UNC13A: variants seen among roughly 807,000 people sequenced by gnomAD.
UNC13A encodes protein unc-13 homolog A.
A neutral mutation model predicts 219.7 loss-of-function variants in UNC13A; 61 were observed. The ratio of observed to expected loss-of-function variants is 0.28; its 90% CI spans 0.23 to 0.34. The LOEUF is 0.34. Among genes scored for constraint, UNC13A ranks in the 10% least tolerant of loss-of-function variants. UNC13A has a pLI of 1.00. For missense variants in UNC13A, 1,476 were observed against 2,270.3 expected, an observed-to-expected ratio of 0.65 and a Z score of 7.11; for synonymous variants, 920 against 884.6, an observed-to-expected ratio of 1.04 and a Z score of -0.71.
intron 5 of UNC13A, among the ~76,000 whole-genome samples, chr19:17,669,030 A>G (rs2079723203): frequency 2.0e-5 from 3 of 152,238 alleles, no homozygotes; most frequent in South Asian, 4.1e-4. Flanking sequence ...TCCTGGCCTC[A>G]AATGATCCTC....
chr19:17,680,859 T>A (rs1314030374), intron 1 of UNC13A, among the ~76,000 whole-genome samples: 2 of 128,692 alleles, frequency 1.6e-5, no homozygotes, highest in African/African-American at 5.2e-5. Context: ...TCTTTTCTCT[T>A]CTTCTTCTTC....
chr19:17,605,422 C>CG lies in UNC13A; in HGVS notation c.*631_*632insC, dbSNP rs1242811878. On this transcript the variant is annotated 3_prime_UTR_variant, in exon 44 of 44. Transcript: ENST00000519716. The stretch of plus-strand genomic sequence containing the variant: ...GAACCAGAGCCGTCCCCTCGGCCCC[C>CG]AGGGTTTGGGCGCCCAAGGGCGCAT... 3.3e-5 allele frequency: 5 copies of CG among 152,706 alleles called. No individual in the cohort carries two copies. The highest frequency in any genetic ancestry group is 7.3e-5 in the Non-Finnish European group (5 of 68,076). 9.5% of individuals were successfully genotyped at this position (152,706 alleles called of 1,614,324 possible).
chr19:17,617,699 T>C lies in UNC13A; in HGVS notation c.4558+3A>G. The stretch of plus-strand genomic sequence containing the variant: ...AAGGGTGATGCGGTCTGGGTACCCT[T>C]ACCCTGGGCCGATTGCGTCTGTACA... On this transcript the variant is annotated splice_donor_region_variant and intron_variant, in intron 41 of 43. Coordinates refer to ENST00000519716, the MANE Select transcript of UNC13A (RefSeq NM_001080421.3). 6.2e-7 allele frequency: 1 copy of C among 1,613,316 alleles called. No homozygotes were observed. Among genetic ancestry groups the C allele is most frequent in the African/African-American group, 1.3e-5 (1 of 75,024 alleles).
Position 17,655,927 on chromosome 19 carries a change from T to G in UNC13A, c.1239A>C (p.Ala413=). 2 of 1,539,232 alleles carry G rather than the reference T, an allele frequency of 1.3e-6. No individual in the cohort carries two copies. The highest frequency in any genetic ancestry group is 2.3e-5 in the East Asian group (1 of 44,348). The change falls in exon 10 of 44, where the codon GCA becomes GCC. Residue 413 remains alanine, a synonymous_variant. Transcript: ENST00000519716. ...PKPATPDKVP[A]AEQIPEAEPP... ...GCTCAGCCTCAGGGATCTGCTCAGC[T>G]GCAGGCACCTTGTCGGGCGTGGCTG...
Position 17,627,673 on chromosome 19 carries a change from G to A in UNC13A, c.3832-76C>T, listed in dbSNP as rs2076797816. On this transcript the variant is annotated intron_variant, in intron 32 of 43. Transcript: ENST00000519716. This position sits in a 1 kb window ranked among gnomAD's most constrained non-coding sequence, Gnocchi z 4.7. ...ACTGGGCATTTTCTCATCTGACCCA[G>A]GGAAAGGGATCCCAAGGGGCTGCAG... 4 of 1,366,632 alleles carry A rather than the reference G, an allele frequency of 2.9e-6. No homozygotes were observed. In the East Asian group the frequency reaches 1.0e-4, roughly 34 times the overall value. 84.7% of individuals were successfully genotyped at this position (1,366,632 alleles called of 1,614,324 possible).
At chr19:17,618,234 T>C (rs1010432581) in intron 40 of UNC13A, among the ~76,000 whole-genome samples, 187 bp downstream of exon 40, 12 of 152,246 alleles carry the variant, frequency 7.9e-5, no homozygotes, top group African/African-American at 2.9e-4. Context: ...TCCAGCAGTC[T>C]TCCCCGACCT....
intron 3 of UNC13A, among the ~76,000 whole-genome samples, chr19:17,673,607 A>C (rs541785483): frequency 6.3e-4 from 89 of 140,670 alleles, no homozygotes; most frequent in Non-Finnish European, 1.2e-3. Context: ...GCAGGAGAAT[A>C]GCTTGAACCC....
intron 12 of UNC13A, among the ~76,000 whole-genome samples, chr19:17,651,721 G>A (rs1473567072): frequency 2.6e-5 from 4 of 152,014 alleles, no homozygotes; most frequent in East Asian, 1.9e-4. Context: ...CATAAATCAC[G>A]TGCACAGGAA....
intron 1 of UNC13A, among the ~76,000 whole-genome samples, chr19:17,680,415 G>C (rs1308949903): frequency 1.3e-5 from 2 of 152,180 alleles, no homozygotes; most frequent in East Asian, 1.9e-4. Flanking sequence ...AGGCGCGCCG[G>C]CGGACAGGGG....
At position 17,674,430 on chromosome 19, in the gene UNC13A, G is replaced by A. The variant is rs2079856833; in HGVS notation, c.152+227C>T. ...GGAGGTGGATGGCACAGGAGGCCAG[G>A]GCGGAGGCTGGCGGGCAGCAGGGAC... On this transcript the variant is annotated intron_variant, in intron 3 of 43. Transcript: ENST00000519716. This position sits in a 1 kb window ranked among gnomAD's most constrained non-coding sequence, Gnocchi z 5.0. Among the ~76,000 whole-genome samples the A allele has an allele frequency of 6.6e-6, 1 of 152,162 alleles. No homozygotes were observed. The highest frequency in any genetic ancestry group is 2.1e-4 in the South Asian group (1 of 4,826).
intron 43 of UNC13A, among the ~76,000 whole-genome samples, chr19:17,609,122 TA>T (rs1405061634): frequency 3.6e-5 from 4 of 111,706 alleles, no homozygotes; most frequent in African/African-American, 1.2e-4. Context: ...CACACCCGGC[TA>T]ATTTTTTTTT....
At chr19:17,630,367 C>G in intron 29 of UNC13A, 79 bp from the exon 30 acceptor site, 1 of 1,522,518 alleles carries the variant, frequency 6.6e-7, no homozygotes, top group Non-Finnish European at 8.8e-7. Flanking sequence ...CCACTCTCCA[C>G]GGGGAGAGCC....
At position 17,641,558 on chromosome 19, in the gene UNC13A, T is replaced by C; in HGVS notation, c.2473-2A>G. ...GTCGGTCACGAAGTGGAACAGGTTCTGCCACCATGGGAGAGAAAGTGTCAT... is the reference window on the plus strand; with the variant it reads ...GTCGGTCACGAAGTGGAACAGGTTCCGCCACCATGGGAGAGAAAGTGTCAT... On this transcript the variant is annotated splice_acceptor_variant, in intron 20 of 43. Coordinates refer to ENST00000519716, the MANE Select transcript of UNC13A (RefSeq NM_001080421.3). LOFTEE classifies it high-confidence loss of function. 1 of 1,613,926 alleles carries C rather than the reference T, an allele frequency of 6.2e-7. No homozygotes were observed. Among genetic ancestry groups the C allele is most frequent in the South Asian group, 1.1e-5 (1 of 91,080 alleles).
chr19:17,665,903 C>A (rs117391185), intron 7 of UNC13A, among the ~76,000 whole-genome samples: 1 of 151,952 alleles, frequency 6.6e-6, no homozygotes, highest in Non-Finnish European at 1.5e-5. Context: ...CTGTCAGATG[C>A]GCTATTTCAA....
chr19:17,624,991 G>GC, intron 34 of UNC13A, 39 bp from the exon 35 acceptor site: 1 of 1,595,888 alleles, frequency 6.3e-7, no homozygotes, highest in Non-Finnish European at 8.6e-7. Flanking sequence ...GGCCCAGCTC[G>GC]CCCCCACCCA....
At chr19:17,613,174 G>A (rs2076622613) in intron 41 of UNC13A, among the ~76,000 whole-genome samples, 1 of 152,088 alleles carries the variant, frequency 6.6e-6, no homozygotes, top group Admixed American at 6.6e-5. Flanking sequence ...AGAGGTTGCA[G>A]TGAGCTGAGA....
intron 38 of UNC13A, among the ~76,000 whole-genome samples, chr19:17,619,355 A>AC (rs2076702544): frequency 7.7e-6 from 1 of 129,968 alleles, no homozygotes; most frequent in South Asian, 2.4e-4. Flanking sequence ...CTGGTCAAAC[A>AC]CTTCCTCCTC....
intron 8 of UNC13A, among the ~76,000 whole-genome samples, chr19:17,661,104 CTTT>C (rs11287808): frequency 9.6e-5 from 13 of 135,368 alleles, no homozygotes; most frequent in Admixed American, 2.2e-4. Flanking sequence ...ACACCCGGCC[CTTT>C]TTTTTTTTTT....
rs542497299 is a variant in UNC13A at position 17,652,492 on chromosome 19, C to T, written c.1439+139G>A. The T allele has an allele frequency of 9.6e-5, 93 of 966,604 alleles. No homozygotes were observed. The Middle Eastern group carries it at 1.5e-3, about 16-fold the overall frequency. 59.9% of individuals were successfully genotyped at this position (966,604 alleles called of 1,614,324 possible). A position where few individuals can be genotyped will look rare whatever the true frequency, so the allele number is the denominator to read the frequency against. The stretch of plus-strand genomic sequence containing the variant: ...ATGGCTGTGTGCCTTATGAAAGTGA[C>T]GTATTTTGCCCAAGCTCAATCTGTC... On this transcript the variant is annotated intron_variant, in intron 12 of 43. Coordinates refer to ENST00000519716, the MANE Select transcript of UNC13A (RefSeq NM_001080421.3).
Sources: gnomAD v4.1 joint callset for allele counts (sites outside exome capture counted in the v4.1 genomes callset) on GRCh38, gnomAD v4.1.1 for gene constraint, Gnocchi (gnomAD v3.1) non-coding constraint, MANE v1.5 for transcripts, NCBI Gene and HGNC (gene_info 2026-07-23, HGNC 2026-07-21) for gene names.